SIK3: variants seen among roughly 807,000 people sequenced by gnomAD.
The protein encoded by SIK3 is SIK family kinase 3, also known as serine/threonine-protein kinase SIK3.
In SIK3, 28 loss-of-function variants were observed where a neutral mutation model predicts 144.2. That is an observed-to-expected ratio of 0.19 (90% CI 0.14 to 0.27). SIK3 has a LOEUF of 0.27. Ranked by LOEUF, SIK3 falls within the 10% of genes least tolerant of loss-of-function variation. The pLI, the probability that SIK3 is intolerant of heterozygous loss-of-function variation, is 1.00. For synonymous variants in SIK3, 686 were observed against 676.3 expected (o/e 1.01, Z -0.22); for missense variants, 1,319 against 1,776.0 (o/e 0.74, Z 4.62).
At chr11:116,995,550 C>T (rs1033607679) in intron 1 of SIK3, among the ~76,000 whole-genome samples, 10 of 152,014 alleles carry the variant, frequency 6.6e-5, no homozygotes, top group Non-Finnish European at 1.0e-4. Context: ...AGGTATGAGC[C>T]GCCACACCCG....
chr11:116,936,339 C>G (rs961227566), intron 3 of SIK3, among the ~76,000 whole-genome samples: 3 of 152,086 alleles, frequency 2.0e-5, no homozygotes, highest in Non-Finnish European at 4.4e-5. Flanking sequence ...CCATGCCCAG[C>G]TAATTTTTGT....
intron 1 of SIK3, among the ~76,000 whole-genome samples, chr11:117,016,536 A>G (rs1951551468): frequency 6.6e-6 from 1 of 151,696 alleles, no homozygotes; most frequent in African/African-American, 2.4e-5. Flanking sequence ...TTCTTGAGCT[A>G]AGCACAGTGG....
rs1027780620 is a variant in SIK3 at position 116,867,884 on chromosome 11, A to T, written c.1952+62T>A. 1.4e-6 allele frequency: 2 copies of T among 1,438,304 alleles called. No individual in the cohort carries two copies. The highest frequency in any genetic ancestry group is 2.9e-5 in the African/African-American group (2 of 69,474). 89.1% of individuals were successfully genotyped at this position (1,438,304 alleles called of 1,614,324 possible). A position where few individuals can be genotyped will look rare whatever the true frequency, so the allele number is the denominator to read the frequency against. On this transcript the variant is annotated intron_variant, in intron 15 of 24. Transcript: ENST00000445177. This position sits in a 1 kb window ranked among gnomAD's most constrained non-coding sequence, Gnocchi z 4.1. ...TGCTAGTCACCGTCGCTGTGAGACT[A>T]ATCAGAAGGGTGCCTGTCCGATGAG...
chr11:116,908,226 A>T (rs1946153148), intron 4 of SIK3, among the ~76,000 whole-genome samples: 1 of 152,240 alleles, frequency 6.6e-6, no homozygotes, highest in African/African-American at 2.4e-5. Context: ...CTGTAATCCC[A>T]GCATTCTGGG....
chr11:116,889,824 G>C (rs1220740530), intron 6 of SIK3, among the ~76,000 whole-genome samples: 3 of 152,202 alleles, frequency 2.0e-5, no homozygotes, highest in African/African-American at 7.2e-5. Flanking sequence ...TTGGGCCCAG[G>C]AGGCGGAGGC....
intron 1 of SIK3, among the ~76,000 whole-genome samples, chr11:117,080,374 T>A (rs1276443206): frequency 6.6e-6 from 1 of 152,190 alleles, no homozygotes; most frequent in Non-Finnish European, 1.5e-5. Context: ...GCATTCCACT[T>A]CTAGTAAATT....
chr11:117,064,974 C>A (rs921543540), intron 1 of SIK3, among the ~76,000 whole-genome samples: 1 of 151,998 alleles, frequency 6.6e-6, no homozygotes, highest in Admixed American at 6.6e-5. Flanking sequence ...ATGGTGAAAC[C>A]CCATCTCCAC....
intron 1 of SIK3, among the ~76,000 whole-genome samples, chr11:117,064,453 T>C (rs952777216): frequency 1.3e-5 from 2 of 152,230 alleles, no homozygotes; most frequent in African/African-American, 4.8e-5. Flanking sequence ...TGGTTCAGCA[T>C]TCTTCCAACT....
rs373972704 is a variant in SIK3 at position 116,908,818 on chromosome 11, A to C, written c.617-11501T>G. ...CAAGTGGAACTCTCACACCTACTGG[A>C]AACAGTTCAGCATTACCAAATAAAA... On this transcript the variant is annotated intron_variant, in intron 4 of 24. Coordinates refer to ENST00000445177, the MANE Select transcript of SIK3 (RefSeq NM_001366686.3). Among the ~76,000 whole-genome samples, 8 of 152,346 alleles carry C rather than the reference A, an allele frequency of 5.3e-5. No homozygotes were observed. In the East Asian group the frequency reaches 1.2e-3, roughly 22 times the overall value.
At chr11:117,012,721 C>T (rs1951313446) in intron 1 of SIK3, among the ~76,000 whole-genome samples, 1 of 151,992 alleles carries the variant, frequency 6.6e-6, no homozygotes, top group African/African-American at 2.4e-5. Flanking sequence ...TCCATCCTCA[C>T]AATCTCTATA....
intron 2 of SIK3, among the ~76,000 whole-genome samples, chr11:116,956,291 T>C (rs948969364): frequency 6.6e-6 from 1 of 151,556 alleles, no homozygotes; most frequent in Admixed American, 6.6e-5. Context: ...TGCTAGGGAA[T>C]CATTTTGATG....
rs144448776 is a variant in SIK3 at position 117,003,971 on chromosome 11, A to G, written c.274-46907T>C. Among the ~76,000 whole-genome samples, 331 of 152,332 alleles carry G rather than the reference A, an allele frequency of 2.2e-3. 3 individuals carry two copies. Among genetic ancestry groups the G allele is most frequent in the African/African-American group, 7.4e-3 (308 of 41,572 alleles). Reference sequence around the variant, plus strand: ...TACTGCTGCCTTCGTCTGAGCATCTATCTACAAAAATTATGGAGAATATGG... The same window carrying G: ...TACTGCTGCCTTCGTCTGAGCATCTGTCTACAAAAATTATGGAGAATATGG... On this transcript the variant is annotated intron_variant, in intron 1 of 24. Transcript: ENST00000445177.
chr11:116,863,842 T>TA, intron 15 of SIK3, 24 bp from the exon 16 acceptor site: 2 of 1,577,406 alleles, frequency 1.3e-6, no homozygotes, highest in Non-Finnish European at 1.7e-6. Context: ...AAGAGAAGGT[T>TA]AGAGGCTAGG....
intron 4 of SIK3, among the ~76,000 whole-genome samples, chr11:116,907,383 A>G (rs1174605138): frequency 1.3e-5 from 2 of 152,220 alleles, no homozygotes; most frequent in Admixed American, 6.5e-5. Context: ...ACAGTGGCTC[A>G]CACCTGTAAT....
At chr11:117,088,494 A>C (rs970172649) in intron 1 of SIK3, among the ~76,000 whole-genome samples, 2 of 152,206 alleles carry the variant, frequency 1.3e-5, no homozygotes, top group African/African-American at 4.8e-5. Flanking sequence ...GTATAAAAAC[A>C]AACTCAGCTC....
intron 1 of SIK3, among the ~76,000 whole-genome samples, chr11:117,042,109 T>C (rs1023887887): frequency 3.9e-5 from 6 of 152,156 alleles, no homozygotes; most frequent in African/African-American, 1.4e-4. Flanking sequence ...CATGTTCAAC[T>C]GCTAATAACT....
intron 1 of SIK3, among the ~76,000 whole-genome samples, chr11:117,065,440 C>G (rs905027766): frequency 6.6e-6 from 1 of 151,898 alleles, no homozygotes; most frequent in Non-Finnish European, 1.5e-5. Flanking sequence ...TACAGCAAAT[C>G]AGACAACTCA....
chr11:116,955,028 T>C (rs1021922184), intron 2 of SIK3, among the ~76,000 whole-genome samples: 1 of 152,230 alleles, frequency 6.6e-6, no homozygotes, highest in Non-Finnish European at 1.5e-5. Context: ...ATATCCAAAA[T>C]ACTATCATTT....
Position 116,956,942 on chromosome 11 carries a change from T to A in SIK3, c.390+6A>T, listed in dbSNP as rs1160211601. 6.4e-7 allele frequency: 1 copy of A among 1,570,254 alleles called. No individual in the cohort carries two copies. Among genetic ancestry groups the A allele is most frequent in the Admixed American group, 1.8e-5 (1 of 54,204 alleles). ...GCAGCTATCTGCTATACACTAATGA[T>A]CCTACCTGGTAGAGCCTGATGATAT... On this transcript the variant is annotated splice_donor_region_variant and intron_variant, in intron 2 of 24. Transcript: ENST00000445177.
Sources: gnomAD v4.1 joint callset for allele counts (sites outside exome capture counted in the v4.1 genomes callset) on GRCh38, gnomAD v4.1.1 for gene constraint, Gnocchi (gnomAD v3.1) non-coding constraint, MANE v1.5 for transcripts, NCBI Gene and HGNC (gene_info 2026-07-23, HGNC 2026-07-21) for gene names.